Variants in FAM135B observed in about 807,000 individuals in gnomAD.
FAM135B encodes the protein family with sequence similarity 135 member B.
Under a neutral mutation model 127.7 loss-of-function variants are expected in FAM135B, and 43 were observed. The ratio of observed to expected loss-of-function variants is 0.34; its 90% confidence interval spans 0.26 to 0.43. The LOEUF is 0.43. Ranked by LOEUF, FAM135B falls within the 20% of genes least tolerant of loss-of-function variation. FAM135B has a pLI of 1.00. For missense variants in FAM135B, 1,558 were observed against 1,725.6 expected, an observed-to-expected ratio of 0.90 and a Z score of 1.72; for synonymous variants, 670 against 665.1, an observed-to-expected ratio of 1.01 and a Z score of -0.11.
At position 138,132,485 on chromosome 8, in the gene FAM135B, A is replaced by G; in HGVS notation, c.*108T>C. ...GGTTCCACCCGAGCCTCCGTCCCCC[A>G]ATGCTGTTGAAGCTTCATTCTGAAA... On this transcript the variant is annotated 3_prime_UTR_variant, in exon 20 of 20. Coordinates refer to ENST00000395297, the MANE Select transcript of FAM135B (RefSeq NM_015912.4). The surrounding 1 kb of genome is among the most constrained non-coding windows in gnomAD (Gnocchi z 4.5). The G allele has an allele frequency of 1.1e-6, 1 of 914,582 alleles. No individual in the cohort carries two copies. The highest frequency in any genetic ancestry group is 1.7e-6 in the Non-Finnish European group (1 of 579,084). 56.7% of individuals were successfully genotyped at this position (914,582 alleles called of 1,614,324 possible). A position where few individuals can be genotyped will look rare whatever the true frequency, so the allele number is the denominator to read the frequency against.
intron 11 of FAM135B, among the ~76,000 whole-genome samples, chr8:138,168,978 C>G (rs1362193565): frequency 1.3e-5 from 2 of 152,242 alleles, no homozygotes; most frequent in East Asian, 3.9e-4. Context: ...TGTAGACCAG[C>G]TGCCTGTAGA....
chr8:138,218,800 GAGAGGGAGAGAA>G (rs1474441650), intron 7 of FAM135B, among the ~76,000 whole-genome samples: 10 of 21,050 alleles, frequency 4.8e-4, no homozygotes, highest in Non-Finnish European at 1.2e-3. Flanking sequence ...GAGAGAGAGA[GAGAGGGAGAGAA>G]AGAGAGAGAG....
At chr8:138,269,568 G>A (rs1823206807) in intron 3 of FAM135B, among the ~76,000 whole-genome samples, 1 of 152,156 alleles carries the variant, frequency 6.6e-6, no homozygotes, top group Non-Finnish European at 1.5e-5. Context: ...ACATATTAGA[G>A]CCAACAGAAG....
At chr8:138,289,501 G>T (rs556310559) in intron 3 of FAM135B, among the ~76,000 whole-genome samples, 3 of 152,368 alleles carry the variant, frequency 2.0e-5, no homozygotes, top group East Asian at 3.9e-4. Flanking sequence ...TTTCTCAGAA[G>T]TGGTTCCAGC....
chr8:138,208,942 T>A (rs1054675406), intron 7 of FAM135B, among the ~76,000 whole-genome samples: 23 of 152,248 alleles, frequency 1.5e-4, no homozygotes, highest in African/African-American at 4.3e-4. Flanking sequence ...CATAACCATC[T>A]TATAAATTAC....
Position 138,224,347 on chromosome 8 carries a change from C to G in FAM135B, c.669+18595G>C, listed in dbSNP as rs1164118837. 2.6e-5 allele frequency among the ~76,000 whole-genome samples: 4 copies of G among 152,184 alleles called. No homozygotes were observed. In the South Asian group the frequency reaches 8.3e-4, roughly 32 times the overall value. ...AACAATGCAGAAAGTCATCCAGCAT[C>G]AAATACAGAGCAGAACTCATGCATG... On this transcript the variant is annotated intron_variant, in intron 7 of 19. Transcript: ENST00000395297.
intron 1 of FAM135B, among the ~76,000 whole-genome samples, chr8:138,401,113 C>T (rs1833131913): frequency 6.6e-6 from 1 of 152,130 alleles, no homozygotes; most frequent in Admixed American, 6.5e-5. Flanking sequence ...GGGATTATAT[C>T]AAAAGAAGCT....
At chr8:138,489,186 T>C (rs1353982341) in intron 1 of FAM135B, among the ~76,000 whole-genome samples, 1 of 152,176 alleles carries the variant, frequency 6.6e-6, no homozygotes, top group Admixed American at 6.5e-5. Flanking sequence ...ATCAGAGACC[T>C]GAAACTCCAC....
intron 4 of FAM135B, among the ~76,000 whole-genome samples, chr8:138,265,324 C>T (rs749244685): frequency 8.5e-5 from 13 of 152,060 alleles, no homozygotes; most frequent in South Asian, 2.1e-4. Flanking sequence ...CTGCCTTCTC[C>T]GGTTCTGTCC....
chr8:138,304,937 C>T (rs1303313337), intron 3 of FAM135B, among the ~76,000 whole-genome samples: 1 of 152,234 alleles, frequency 6.6e-6, no homozygotes, highest in East Asian at 1.9e-4. Context: ...GAAGGCCACT[C>T]TGCCACCCAC....
chr8:138,159,196 C>A (rs867538649), intron 12 of FAM135B, among the ~76,000 whole-genome samples: 1 of 138,930 alleles, frequency 7.2e-6, no homozygotes, highest in African/African-American at 2.7e-5. Context: ...GGCGTGAACC[C>A]GGGAAGCGGA....
At chr8:138,351,577 G>A (rs926174158) in intron 2 of FAM135B, among the ~76,000 whole-genome samples, 12 of 151,572 alleles carry the variant, frequency 7.9e-5, no homozygotes, top group African/African-American at 2.9e-4. Flanking sequence ...CCCAACAACT[G>A]TGACACAACA....
rs1818143780 is a variant in FAM135B, at chr8:138,151,519, A to G, written c.2956T>C (p.Cys986Arg). The G allele has an allele frequency of 3.1e-6, 5 of 1,614,118 alleles. No individual in the cohort carries two copies. In the Admixed American group the frequency reaches 5.0e-5, roughly 16 times the overall value. The stretch of plus-strand genomic sequence containing the variant: ...TGAACGGAATGGGTCACAGTGGGGC[A>G]CACAGTGCCTGCTTTATGTTTAGCC... ...PEAKHKAGTVCPTVTHSVHSQ... is the reference protein window; with the variant it reads ...PEAKHKAGTVRPTVTHSVHSQ... The change falls in exon 13 of 20, where the codon TGC (cysteine) becomes CGC (arginine). Residue 986 changes from cysteine (C) to arginine (R), a missense_variant. Cys to Arg is a radical substitution (Grantham distance 180). Coordinates refer to ENST00000395297, the MANE Select transcript of FAM135B (RefSeq NM_015912.4).
intron 12 of FAM135B, among the ~76,000 whole-genome samples, chr8:138,163,471 A>G (rs574821474): frequency 5.5e-4 from 83 of 152,136 alleles, no homozygotes; most frequent in African/African-American, 1.6e-3. Context: ...CTTAATTCCC[A>G]TATGTTGTGG....
intron 2 of FAM135B, among the ~76,000 whole-genome samples, chr8:138,328,687 G>C (rs763418232): frequency 2.0e-5 from 3 of 152,184 alleles, no homozygotes; most frequent in Non-Finnish European, 4.4e-5. Flanking sequence ...AAGTGTAGTG[G>C]TTAAGGGAAT....
At chr8:138,142,852 C>G in intron 16 of FAM135B, 160 bp downstream of exon 16, 1 of 569,900 alleles carries the variant, frequency 1.8e-6, no homozygotes, top group Non-Finnish European at 3.2e-6. Flanking sequence ...GTACGCCAGA[C>G]CTGGTACTTA....
At chr8:138,463,243 A>G (rs2131623602) in intron 1 of FAM135B, among the ~76,000 whole-genome samples, 1 of 152,340 alleles carries the variant, frequency 6.6e-6, no homozygotes, top group South Asian at 2.1e-4. Context: ...ATTCTTTCAA[A>G]GCTAATGGGG....
At chr8:138,450,046 C>G (rs556919053) in intron 1 of FAM135B, among the ~76,000 whole-genome samples, 1 of 152,320 alleles carries the variant, frequency 6.6e-6, no homozygotes, top group East Asian at 1.9e-4. Context: ...TGCTGACAAC[C>G]ACTAACATTT....
intron 1 of FAM135B, among the ~76,000 whole-genome samples, chr8:138,407,440 A>T (rs200587997): frequency 2.0e-5 from 3 of 152,184 alleles, no homozygotes; most frequent in Non-Finnish European, 4.4e-5. Context: ...AAAAGAGCCC[A>T]CATCGCCAAG....
Sources: gnomAD v4.1 joint callset for allele counts (sites outside exome capture counted in the v4.1 genomes callset) on GRCh38, gnomAD v4.1.1 for gene constraint, Gnocchi (gnomAD v3.1) non-coding constraint, MANE v1.5 for transcripts, NCBI Gene and HGNC (gene_info 2026-07-23, HGNC 2026-07-21) for gene names.